ERC2: variants seen among roughly 807,000 people sequenced by gnomAD.
The protein encoded by ERC2 is ERC protein 2.
ERC2 carries 42 observed loss-of-function variants against 114.8 expected under a neutral mutation model. The observed-to-expected ratio is 0.37, with a 90% CI of 0.29 to 0.47. The LOEUF (loss-of-function observed/expected upper bound fraction) is 0.47. Among genes scored for constraint, ERC2 ranks in the 20% least tolerant of loss-of-function variants. The pLI is 0.99. For missense variants in ERC2, 939 were observed against 1,150.7 expected (o/e 0.82, Z 2.66); for synonymous variants, 454 against 425.5 (o/e 1.07, Z -0.82).
At chr3:55,524,860 A>G (rs1436369822) in intron 17 of ERC2, among the ~76,000 whole-genome samples, 1 of 152,200 alleles carries the variant, frequency 6.6e-6, no homozygotes, top group African/African-American at 2.4e-5. Context: ...CAAAAGCTAC[A>G]TGTGCCAAAG....
intron 3 of ERC2, among the ~76,000 whole-genome samples, chr3:56,227,453 G>T (rs1029873433): frequency 5.4e-5 from 8 of 148,744 alleles, no homozygotes; most frequent in Admixed American, 1.3e-4. Context: ...CCTTTAGCAT[G>T]TGAAGGTCCC....
At chr3:55,653,573 G>A (rs1228755089) in intron 17 of ERC2, among the ~76,000 whole-genome samples, 3 of 15,534 alleles carry the variant, frequency 1.9e-4, no homozygotes, top group Non-Finnish European at 5.3e-4. Flanking sequence ...AAGTGTGTGT[G>A]TGTGTGTGTG....
intron 7 of ERC2, among the ~76,000 whole-genome samples, chr3:56,024,763 A>C (rs2073941923): frequency 6.6e-6 from 1 of 152,212 alleles, no homozygotes; most frequent in South Asian, 2.1e-4. Context: ...TTGAGCCAGC[A>C]AACTCCACCA....
chr3:55,932,304 AACTT>A lies in ERC2; in HGVS notation c.2403+18117_2403+18120del, dbSNP rs1438482351. Among the ~76,000 whole-genome samples, 7 of 152,332 alleles carry A rather than the reference AACTT, an allele frequency of 4.6e-5. No individual in the cohort carries two copies. In the East Asian group the frequency reaches 1.3e-3, roughly 29 times the overall value. The stretch of plus-strand genomic sequence containing the variant: ...TAAAGAATTTCTATGTACCGAGAAG[AACTT>A]TAAAGCAGATGAAGGCAATAATGAT... On this transcript the variant is annotated intron_variant, in intron 13 of 17. Transcript: ENST00000288221.
intron 3 of ERC2, among the ~76,000 whole-genome samples, chr3:56,257,956 C>G (rs535415625): frequency 6.6e-6 from 1 of 152,354 alleles, no homozygotes; most frequent in African/African-American, 2.4e-5. Flanking sequence ...GACCTTCTCT[C>G]TCTTCTGAAT....
chr3:55,957,765 G>A (rs1576356940), intron 12 of ERC2, among the ~76,000 whole-genome samples: 1 of 152,016 alleles, frequency 6.6e-6, no homozygotes. Flanking sequence ...TGCTCCGTGT[G>A]AGGCTGCAGC....
At chr3:55,758,703 G>T (rs2067218771) in intron 14 of ERC2, among the ~76,000 whole-genome samples, 1 of 152,220 alleles carries the variant, frequency 6.6e-6, no homozygotes, top group Non-Finnish European at 1.5e-5. Flanking sequence ...ATATAAGGAA[G>T]TGTGGATATG....
intron 2 of ERC2, among the ~76,000 whole-genome samples, chr3:56,362,603 T>A (rs745865342): frequency 2.4e-4 from 37 of 152,248 alleles, no homozygotes; most frequent in Non-Finnish European, 5.9e-5. Flanking sequence ...CCCTTTCAGC[T>A]GCACTCTCAG....
intron 6 of ERC2, among the ~76,000 whole-genome samples, chr3:56,131,598 G>A (rs2080202401): frequency 6.6e-6 from 1 of 152,124 alleles, no homozygotes. Context: ...GATTAAAAAG[G>A]ACTTTACTGC....
chr3:56,080,006 G>A (rs9876574), intron 7 of ERC2, among the ~76,000 whole-genome samples: 9,744 of 152,100 alleles, frequency 0.064, 670 homozygotes, highest in African/African-American at 0.18. Flanking sequence ...GGCTCCTGCG[G>A]CCCACCATTG....
At chr3:55,733,451 T>G (rs1405208308) in intron 15 of ERC2, among the ~76,000 whole-genome samples, 2 of 96,560 alleles carry the variant, frequency 2.1e-5, no homozygotes, top group African/African-American at 3.7e-5. Context: ...CTGTCTCTCA[T>G]TCTCTCTCTC....
At chr3:56,245,793 G>A (rs1303478334) in intron 3 of ERC2, among the ~76,000 whole-genome samples, 2 of 151,826 alleles carry the variant, frequency 1.3e-5, no homozygotes, top group Admixed American at 6.6e-5. Flanking sequence ...CACCCAACTC[G>A]GCCTCCTAAA....
At chr3:56,062,178 A>G (rs913987651) in intron 7 of ERC2, among the ~76,000 whole-genome samples, 3 of 152,238 alleles carry the variant, frequency 2.0e-5, no homozygotes, top group Non-Finnish European at 4.4e-5. Flanking sequence ...TAAAAGAAGT[A>G]TAACATGGTA....
At chr3:56,184,357 C>T (rs1017365366) in intron 3 of ERC2, among the ~76,000 whole-genome samples, 1 of 152,134 alleles carries the variant, frequency 6.6e-6, no homozygotes, top group African/African-American at 2.4e-5. Context: ...AAACACCATC[C>T]CAGGTCTCAA....
intron 3 of ERC2, among the ~76,000 whole-genome samples, chr3:56,258,363 T>C (rs968302484): frequency 2.0e-5 from 3 of 152,134 alleles, no homozygotes; most frequent in African/African-American, 4.8e-5. Flanking sequence ...AGTCCTCCAA[T>C]AAAATATGTA....
At chr3:55,662,321 A>C (rs2061173290) in intron 17 of ERC2, among the ~76,000 whole-genome samples, 1 of 152,246 alleles carries the variant, frequency 6.6e-6, no homozygotes, top group Non-Finnish European at 1.5e-5. Flanking sequence ...AAACTATCTA[A>C]ATGCCCATTA....
At chr3:56,091,678 G>A (rs1389416920) in intron 6 of ERC2, among the ~76,000 whole-genome samples, 1 of 152,164 alleles carries the variant, frequency 6.6e-6, no homozygotes, top group Admixed American at 6.5e-5. Context: ...AGAGGACATC[G>A]ACATTGTTGA....
intron 13 of ERC2, among the ~76,000 whole-genome samples, chr3:55,931,688 AC>A (rs1289435668): frequency 6.6e-6 from 1 of 152,122 alleles, no homozygotes; most frequent in Non-Finnish European, 1.5e-5. Flanking sequence ...CCAGCATGGC[AC>A]ATGTATACCT....
intron 17 of ERC2, among the ~76,000 whole-genome samples, chr3:55,601,302 G>C (rs151255091): frequency 2.0e-5 from 3 of 152,158 alleles, no homozygotes; most frequent in Admixed American, 6.5e-5. Flanking sequence ...AGCTCCATAT[G>C]TGACTCCAGG....
Sources: allele counts gnomAD v4.1 joint callset (sites outside exome capture counted in the v4.1 genomes callset), GRCh38; gene constraint gnomAD v4.1.1; transcripts MANE v1.5; gene names NCBI Gene and HGNC (gene_info 2026-07-23, HGNC 2026-07-21).